Variants in SEPTIN11 observed in about 807,000 individuals in gnomAD.
SEPTIN11 encodes the protein septin-11.
SEPTIN11 carries 25 observed loss-of-function variants against 51.4 expected under a neutral mutation model. The ratio of observed to expected loss-of-function variants is 0.49; its 90% CI spans 0.35 to 0.68. SEPTIN11 has a LOEUF of 0.68. Ranked by LOEUF, SEPTIN11 falls within the 30% of genes least tolerant of loss-of-function variation. The pLI is 0.00. For synonymous variants in SEPTIN11, 174 were observed against 184.1 expected, an observed-to-expected ratio of 0.95 and a Z score of 0.44; for missense variants, 381 against 520.8, an observed-to-expected ratio of 0.73 and a Z score of 2.61.
In SEPTIN11 at chr4:77,036,849, A is replaced by C; in HGVS notation, c.*2337A>C. The C allele has an allele frequency of 6.8e-7, 1 of 1,477,296 alleles. No individual in the cohort carries two copies. The highest frequency in any genetic ancestry group is 1.4e-5 in the African/African-American group (1 of 69,562). The allele number at this position is 1,477,296 out of a possible 1,614,324, so 91.5% of individuals were successfully genotyped here. A position where few individuals can be genotyped will look rare whatever the true frequency, so the allele number is the denominator to read the frequency against. ...TTTCGCCTTTGCATGTAAGTACGGT[A>C]GTAAGAAACCTTTGAGATCTTTCTG... On this transcript the variant is annotated 3_prime_UTR_variant, in exon 10 of 10. Coordinates refer to ENST00000264893, the MANE Select transcript of SEPTIN11 (RefSeq NM_018243.4).
chr4:76,994,943 A>G (rs55790162), intron 1 of SEPTIN11, among the ~76,000 whole-genome samples: 3 of 130,042 alleles, frequency 2.3e-5, no homozygotes, highest in Non-Finnish European at 4.6e-5. Flanking sequence ...AAAATGGAAC[A>G]TTGAAGCTGG....
chr4:76,991,245 C>A (rs1410589198), intron 1 of SEPTIN11, among the ~76,000 whole-genome samples: 2 of 152,218 alleles, frequency 1.3e-5, no homozygotes, highest in Non-Finnish European at 2.9e-5. Flanking sequence ...CTCCTCCCAA[C>A]AACCCTGCCA....
In SEPTIN11 at chr4:77,013,494, T is replaced by C. The variant is rs549865110; in HGVS notation, c.526-1362T>C. 5.9e-5 allele frequency among the ~76,000 whole-genome samples: 9 copies of C among 152,350 alleles called. No individual in the cohort carries two copies. The South Asian group carries it at 1.9e-3, about 32-fold the overall frequency. The stretch of plus-strand genomic sequence containing the variant: ...AAGAAAGAGTGAATCTCTGCCATTT[T>C]GTCTATGTTGACATTAATTAAATAC... On this transcript the variant is annotated intron_variant, in intron 4 of 9. Transcript: ENST00000264893.
intron 1 of SEPTIN11, among the ~76,000 whole-genome samples, chr4:76,951,030 G>T (rs1356622996): frequency 6.6e-6 from 1 of 152,122 alleles, no homozygotes; most frequent in African/African-American, 2.4e-5. Flanking sequence ...CCACAGCTGT[G>T]CAGCTGCAGG....
At chr4:76,982,506 G>A (rs1414459084) in intron 1 of SEPTIN11, among the ~76,000 whole-genome samples, 1 of 152,080 alleles carries the variant, frequency 6.6e-6, no homozygotes, top group Non-Finnish European at 1.5e-5. Context: ...CACCACCCCC[G>A]GCCCAGATCT....
chr4:77,039,876 T>TG (rs1205331797), downstream of SEPTIN11: 1 of 382,644 alleles, frequency 2.6e-6, no homozygotes, highest in Non-Finnish European at 3.6e-6. Context: ...GACTATGTTT[T>TG]GGGGGAGAAA....
At chr4:77,029,488 T>A (rs1174444462) in intron 8 of SEPTIN11, among the ~76,000 whole-genome samples, 1 of 152,122 alleles carries the variant, frequency 6.6e-6, no homozygotes, top group Non-Finnish European at 1.5e-5. Context: ...TTTAATTTAT[T>A]TTGTCTAAAA....
chr4:76,967,617 T>C, intron 1 of SEPTIN11, among the ~76,000 whole-genome samples: 1 of 152,244 alleles, frequency 6.6e-6, no homozygotes, highest in Admixed American at 6.5e-5. Flanking sequence ...ACTAAATGTT[T>C]TAAAAATACT....
downstream of SEPTIN11, chr4:77,039,072 G>T (rs1046406353): frequency 4.5e-5 from 58 of 1,288,508 alleles, no homozygotes; most frequent in Non-Finnish European, 5.8e-5. Context: ...CTCTTCTGTA[G>T]CTTCTTCTTT....
intron 9 of SEPTIN11, among the ~76,000 whole-genome samples, chr4:77,032,425 A>T (rs916532988): frequency 6.6e-6 from 1 of 152,232 alleles, no homozygotes; most frequent in Non-Finnish European, 1.5e-5. Context: ...TCGGGAGAGC[A>T]TCTAACACTA....
intron 1 of SEPTIN11, among the ~76,000 whole-genome samples, chr4:76,986,541 A>C (rs1263092920): frequency 6.6e-6 from 1 of 152,240 alleles, no homozygotes; most frequent in Non-Finnish European, 1.5e-5. Flanking sequence ...TGTGTCTTAA[A>C]GCTGACAAAA....
intron 6 of SEPTIN11, 47 bp from the exon 7 acceptor site, chr4:77,020,455 G>T: frequency 6.3e-7 from 1 of 1,595,204 alleles, no homozygotes; most frequent in South Asian, 1.1e-5. Flanking sequence ...ATATTTCAGT[G>T]ACATCATTGC....
rs762546575 is a variant in SEPTIN11 at position 77,036,787 on chromosome 4, C to T, written c.*2275C>T. On this transcript the variant is annotated 3_prime_UTR_variant, in exon 10 of 10. Transcript: ENST00000264893. Reference sequence around the variant, plus strand: ...TTTCACAGTAGTCCTTGGCTCTGCACGGAATAAATGATACCCTCAAATCTA... The same window carrying T: ...TTTCACAGTAGTCCTTGGCTCTGCATGGAATAAATGATACCCTCAAATCTA... 5.3e-5 allele frequency: 82 copies of T among 1,533,812 alleles called. No homozygotes were observed. The highest frequency in any genetic ancestry group is 5.1e-4 in the African/African-American group (37 of 72,844).
intron 2 of SEPTIN11, among the ~76,000 whole-genome samples, chr4:77,001,395 G>T (rs1388540385): frequency 6.6e-6 from 1 of 151,330 alleles, no homozygotes; most frequent in African/African-American, 2.4e-5. Flanking sequence ...TGTCGCCCAG[G>T]CTGGAGTGCA....
rs1721230847 is a variant in SEPTIN11, at chr4:76,949,801, C to T, written c.-103C>T. The T allele has an allele frequency of 1.5e-6, 2 of 1,308,530 alleles. No homozygotes were observed. The highest frequency in any genetic ancestry group is 1.3e-5 in the South Asian group (1 of 75,656). 81.1% of individuals were successfully genotyped at this position (1,308,530 alleles called of 1,614,324 possible). On this transcript the variant is annotated 5_prime_UTR_variant, in exon 1 of 10. Transcript: ENST00000264893. Reference sequence around the variant, plus strand: ...GGGACGCCGGCGAGCAGAGCGCAGCCGCGAGGGAGGCGCGAGGGAGGCGAG... The same window carrying T: ...GGGACGCCGGCGAGCAGAGCGCAGCTGCGAGGGAGGCGCGAGGGAGGCGAG...
At chr4:77,018,719 T>C (rs1725485724) in intron 5 of SEPTIN11, among the ~76,000 whole-genome samples, 1 of 152,122 alleles carries the variant, frequency 6.6e-6, no homozygotes, top group South Asian at 2.1e-4. Flanking sequence ...TTTCAGAAGA[T>C]TTGAGTTTGA....
chr4:76,995,804 A>G, intron 1 of SEPTIN11: 1 of 1,530,200 alleles, frequency 6.5e-7, no homozygotes, highest in South Asian at 1.2e-5. Context: ...ACTCTGCAAA[A>G]CTCCAGCAGT....
Position 77,038,515 on chromosome 4 carries a change from G to C in SEPTIN11, c.*4003G>C. The C allele has an allele frequency of 1.0e-6, 1 of 985,860 alleles. No homozygotes were observed. Among genetic ancestry groups the C allele is most frequent in the African/African-American group, 1.7e-5 (1 of 57,332 alleles). 61.1% of individuals were successfully genotyped at this position (985,860 alleles called of 1,614,324 possible). On this transcript the variant is annotated 3_prime_UTR_variant, in exon 10 of 10. Transcript: ENST00000264893. Reference sequence around the variant, plus strand: ...CACTTAGCAACATGCTTGGTAATTTGGCATCTGTTAAGGTAGGAGAGTGGT... The same window carrying C: ...CACTTAGCAACATGCTTGGTAATTTCGCATCTGTTAAGGTAGGAGAGTGGT...
At chr4:76,992,710 A>G (rs1462323225) in intron 1 of SEPTIN11, among the ~76,000 whole-genome samples, 1 of 152,182 alleles carries the variant, frequency 6.6e-6, no homozygotes, top group African/African-American at 2.4e-5. Flanking sequence ...TATTGGTCAG[A>G]AGAATGTTTG....
Sources: gnomAD v4.1 joint callset for allele counts (sites outside exome capture counted in the v4.1 genomes callset) on GRCh38, gnomAD v4.1.1 for gene constraint, MANE v1.5 for transcripts, NCBI Gene and HGNC (gene_info 2026-07-23, HGNC 2026-07-21) for gene names.